The following KLHL11 variants were observed in gnomAD, a reference collection of about 807,000 sequenced individuals.
The protein encoded by KLHL11 is kelch like family member 11.
KLHL11 carries 26 observed loss-of-function variants against 56.1 expected under a neutral mutation model. The observed-to-expected ratio is 0.46, with a 90% CI of 0.34 to 0.64. The LOEUF is 0.64. Among genes scored for constraint, KLHL11 ranks in the 30% least tolerant of loss-of-function variants. KLHL11 has a pLI of 0.01. For synonymous variants in KLHL11, 338 were observed against 345.8 expected, an observed-to-expected ratio of 0.98 and a Z score of 0.25; for missense variants, 627 against 919.4, an observed-to-expected ratio of 0.68 and a Z score of 4.11.
Position 41,865,209 on chromosome 17 carries a change from G to C in KLHL11, c.162C>G (p.Ile54Met), listed in dbSNP as rs2144169273. The change falls in exon 1 of 2, where the codon ATC becomes ATG. Residue 54 changes from isoleucine (I) to methionine (M), a missense_variant. Coordinates refer to ENST00000319121, the MANE Select transcript of KLHL11 (RefSeq NM_018143.3). ...CGCCCCCGCTCGCCTCCATTGCAGAGATCCCCGGCCCAGGCCCGAAGTCCA... is the reference window on the plus strand; with the variant it reads ...CGCCCCCGCTCGCCTCCATTGCAGACATCCCCGGCCCAGGCCCGAAGTCCA... Reference protein sequence around the residue: ...GTVDFGPGPGISAMEASGGDP... With the variant: ...GTVDFGPGPGMSAMEASGGDP... The C allele has an allele frequency of 1.2e-6, 2 of 1,606,458 alleles. No individual in the cohort carries two copies. Among genetic ancestry groups the C allele is most frequent in the Middle Eastern group, 1.7e-4 (1 of 6,026 alleles).
rs551772872 is a variant in KLHL11 at position 41,853,163 on chromosome 17, A to T, written c.*577T>A. Among the ~76,000 whole-genome samples, 37 of 152,214 alleles carry T rather than the reference A, an allele frequency of 2.4e-4. No homozygotes were observed. Among genetic ancestry groups the T allele is most frequent in the Non-Finnish European group, 4.9e-4 (33 of 68,032 alleles). ...GCCAGTAAAAAATTTCTCATCAGTC[A>T]CATCTTCTAGGAAGGAAACTGGCAT... is the stretch of plus-strand genomic sequence containing the variant. On this transcript the variant is annotated 3_prime_UTR_variant, in exon 2 of 2. Coordinates refer to ENST00000319121, the MANE Select transcript of KLHL11 (RefSeq NM_018143.3).
At position 41,852,761 on chromosome 17, in the gene KLHL11, A is replaced by G. The variant is rs192086570; in HGVS notation, c.*979T>C. On this transcript the variant is annotated 3_prime_UTR_variant, in exon 2 of 2. Coordinates refer to ENST00000319121, the MANE Select transcript of KLHL11 (RefSeq NM_018143.3). Reference sequence around the variant, plus strand: ...AGCCGAGATTGCACCACTGCACTCCAGCCTGGGCAACATGAGCAAAAAAAA... The same window carrying G: ...AGCCGAGATTGCACCACTGCACTCCGGCCTGGGCAACATGAGCAAAAAAAA... Among the ~76,000 whole-genome samples the G allele has an allele frequency of 1.9e-3, 284 of 150,468 alleles. No homozygotes were observed. The highest frequency in any genetic ancestry group is 6.7e-3 in the African/African-American group (273 of 40,702).
Position 41,865,324 on chromosome 17 carries a change from G to A in KLHL11, c.47C>T (p.Ala16Val), listed in dbSNP as rs2048435280. The part of the protein sequence containing the change: ...VAAAAAAAAA[A>V]SLQVLEMESM... The stretch of plus-strand genomic sequence containing the variant: ...CTCCATCTCCAGTACCTGAAGAGAT[G>A]CAGCCGCGGCCGCCGCCGCCGCCGC... Residue 16 changes from alanine to valine, a missense_variant, in exon 1 of 2, where the codon GCA (alanine) becomes GTA (valine). Coordinates refer to ENST00000319121, the MANE Select transcript of KLHL11 (RefSeq NM_018143.3). 2.0e-6 allele frequency: 3 copies of A among 1,464,218 alleles called. No homozygotes were observed. Among genetic ancestry groups the A allele is most frequent in the Non-Finnish European group, 1.8e-6 (2 of 1,122,564 alleles). The allele number at this position is 1,464,218 out of a possible 1,614,324, so 90.7% of individuals were successfully genotyped here.
At chr17:41,855,402 A>C in intron 1 of KLHL11, 81 bp from the exon 2 acceptor site, 11 of 1,049,384 alleles carry the variant, frequency 1.0e-5, no homozygotes, top group South Asian at 3.4e-5. Context: ...TTTTTGAGAC[A>C]GGGTCTCACT....
At chr17:41,857,564 A>ATTT (rs1367481708) in intron 1 of KLHL11, among the ~76,000 whole-genome samples, 3 of 150,524 alleles carry the variant, frequency 2.0e-5, no homozygotes, top group African/African-American at 7.3e-5. Flanking sequence ...ATAAAGTATT[A>ATTT]TTTATATTAG....
At chr17:41,862,377 A>G (rs1326925695) in intron 1 of KLHL11, among the ~76,000 whole-genome samples, 1 of 150,960 alleles carries the variant, frequency 6.6e-6, no homozygotes, top group Non-Finnish European at 1.5e-5. Context: ...GGTTCACGCC[A>G]TTCTCCTGCC....
rs1555622418 is a variant in KLHL11, at chr17:41,855,255, A to G, written c.612T>C (p.Asn204=). The G allele has an allele frequency of 2.5e-6, 4 of 1,607,796 alleles. No individual in the cohort carries two copies. The highest frequency in any genetic ancestry group is 3.4e-6 in the Non-Finnish European group (4 of 1,177,266). Residue 204 remains asparagine, a synonymous_variant, in exon 2 of 2, where the codon AAT becomes AAC. Transcript: ENST00000319121. ...GTGCTAAGCTATGAATTGCCACACA[A>G]TTTGAGAGATGAAGTTTTTTCTTGA... ...EFLKKKLHLS[N]CVAIHSLAHM... is the part of the protein sequence containing the mutation.
intron 1 of KLHL11, among the ~76,000 whole-genome samples, chr17:41,861,863 C>G (rs1245622097): frequency 1.3e-5 from 2 of 152,094 alleles, no homozygotes; most frequent in Non-Finnish European, 2.9e-5. Flanking sequence ...GAATCATTTT[C>G]AGCAGCACAC....
rs782201695 is a variant in KLHL11, at chr17:41,854,026, A to G, written c.1841T>C (p.Ile614Thr). 8 of 1,614,044 alleles carry G rather than the reference A, an allele frequency of 5.0e-6. No homozygotes were observed. In the African/African-American group the frequency reaches 1.1e-4, roughly 22 times the overall value. Reference sequence around the variant, plus strand: ...ATCATCACTGTTTTTCCAGCCTCCTATAATGAAGACATCATCTTTGTAATA... The same window carrying G: ...ATCATCACTGTTTTTCCAGCCTCCTGTAATGAAGACATCATCTTTGTAATA... ...ICYYKDDVFI[I>T]GGWKNSDDID... Residue 614 changes from isoleucine to threonine, a missense_variant, in exon 2 of 2, where the codon ATA becomes ACA. By Grantham distance (89) the Ile-to-Thr change is moderately conservative. Around this residue, in one of 4 missense-constraint regions of KLHL11, gnomAD observed 250 missense variants for 360.6 expected, o/e 0.69. Transcript: ENST00000319121. The surrounding 1 kb of genome is among the most constrained non-coding windows in gnomAD (Gnocchi z 4.9).
intron 1 of KLHL11, among the ~76,000 whole-genome samples, chr17:41,855,797 A>G (rs4796723): frequency 0.88 from 125,752 of 142,700 alleles, 55,202 homozygotes; most frequent in East Asian, 0.97. Context: ...TCAGCCTCCC[A>G]AGTAGCTGGG....
intron 1 of KLHL11, among the ~76,000 whole-genome samples, chr17:41,859,887 G>T (rs1275391581): frequency 6.6e-6 from 1 of 152,124 alleles, no homozygotes; most frequent in East Asian, 1.9e-4. Flanking sequence ...TCAGCCTGAG[G>T]ATAGCCAATT....
chr17:41,856,526 ACAG>A (rs1567874055), intron 1 of KLHL11, among the ~76,000 whole-genome samples: 1 of 152,126 alleles, frequency 6.6e-6, no homozygotes, highest in East Asian at 1.9e-4. Context: ...TCTGAAAACA[ACAG>A]CAACAACAAC....
intron 1 of KLHL11, 60 bp from the exon 2 acceptor site, chr17:41,855,381 C>G (rs1456962415): frequency 7.6e-7 from 1 of 1,320,586 alleles, no homozygotes; most frequent in Non-Finnish European, 1.0e-6. Context: ...TATGTGGTTA[C>G]TTTTTTCTTT....
chr17:41,854,155 AAAC>A lies in KLHL11; in HGVS notation c.1709_1711del (p.Cys570del). ...TTTTCTTACTGCCTCTTCGTTTTCT[AAAC>A]AATAACTCTTGGGACAACATGATGC... On this transcript the variant is annotated inframe_deletion, in exon 2 of 2. Transcript: ENST00000319121. This position sits in a 1 kb window ranked among gnomAD's most constrained non-coding sequence, Gnocchi z 4.9. 6.2e-7 allele frequency: 1 copy of A among 1,614,114 alleles called. No individual in the cohort carries two copies. The highest frequency in any genetic ancestry group is 8.5e-7 in the Non-Finnish European group (1 of 1,180,008).
In KLHL11 at chr17:41,850,319, C is replaced by T. The variant is rs2048325880; in HGVS notation, c.*3421G>A. 6.6e-6 allele frequency: 1 copy of T among 152,110 alleles called. No individual in the cohort carries two copies. The highest frequency in any genetic ancestry group is 1.5e-5 in the Non-Finnish European group (1 of 67,998). The allele number at this position is 152,110 out of a possible 1,614,324, so 9.4% of individuals were successfully genotyped here. On this transcript the variant is annotated 3_prime_UTR_variant, in exon 2 of 2. Coordinates refer to ENST00000319121, the MANE Select transcript of KLHL11 (RefSeq NM_018143.3). Reference sequence around the variant, plus strand: ...ACATCATCATGCAATGAAGGACTTACCCCTTCTTTTCAGCCATGGCCTAGG... The same window carrying T: ...ACATCATCATGCAATGAAGGACTTATCCCTTCTTTTCAGCCATGGCCTAGG...
chr17:41,856,480 G>T (rs9303316), intron 1 of KLHL11, among the ~76,000 whole-genome samples: 115,295 of 151,936 alleles, frequency 0.76, 43,998 homozygotes, highest in Admixed American at 0.85. Context: ...TTATACATAT[G>T]GAAATAGTTA....
chr17:41,860,116 A>G (rs1441357078), intron 1 of KLHL11, among the ~76,000 whole-genome samples: 3 of 152,168 alleles, frequency 2.0e-5, no homozygotes, highest in Non-Finnish European at 2.9e-5. Flanking sequence ...AAGCAAAGAC[A>G]AAGTAGAGTG....
At chr17:41,863,583 A>G (rs2048418515) in intron 1 of KLHL11, among the ~76,000 whole-genome samples, 1 of 152,154 alleles carries the variant, frequency 6.6e-6, no homozygotes, top group Non-Finnish European at 1.5e-5. Context: ...AATCAGAGTA[A>G]AAGCTCATGT....
intron 1 of KLHL11, among the ~76,000 whole-genome samples, chr17:41,862,594 T>C (rs2048411248): frequency 2.0e-5 from 3 of 152,030 alleles, no homozygotes; most frequent in African/African-American, 7.3e-5. Flanking sequence ...TTTTGTATTT[T>C]TAGTGGAGAT....
Sources: allele counts gnomAD v4.1 joint callset (sites outside exome capture counted in the v4.1 genomes callset), GRCh38; gene constraint gnomAD v4.1.1; regional missense constraint gnomAD v4.1.1; non-coding constraint Gnocchi (gnomAD v3.1); transcripts MANE v1.5; gene names NCBI Gene and HGNC (gene_info 2026-07-23, HGNC 2026-07-21).